Variants in DYNC1I1 observed in about 807,000 individuals in gnomAD.
DYNC1I1 encodes dynein cytoplasmic 1 intermediate chain 1.
In DYNC1I1, 43 loss-of-function variants were observed where a neutral mutation model predicts 86.6. That is an observed-to-expected ratio of 0.50 (90% CI 0.39 to 0.64). The LOEUF (loss-of-function observed/expected upper bound fraction) is 0.64. DYNC1I1 is among the 30% of genes least tolerant of loss of function. DYNC1I1 has a pLI of 0.00. For missense variants in DYNC1I1, 604 were observed against 788.8 expected (o/e 0.77, Z 2.81); for synonymous variants, 262 against 283.7 (o/e 0.92, Z 0.77).
intron 6 of DYNC1I1, among the ~76,000 whole-genome samples, chr7:95,953,100 G>A (rs1009419585): frequency 6.8e-6 from 1 of 148,030 alleles, no homozygotes; most frequent in African/African-American, 2.5e-5. Flanking sequence ...TTTGTATCTC[G>A]TATGTACCTG....
At chr7:95,929,508 A>G (rs952113800) in intron 6 of DYNC1I1, among the ~76,000 whole-genome samples, 4 of 152,118 alleles carry the variant, frequency 2.6e-5, no homozygotes, top group African/African-American at 9.7e-5. Flanking sequence ...CTCATTAACA[A>G]TTGTGCTGGG....
At chr7:96,024,348 T>G (rs1794625615) in intron 10 of DYNC1I1, among the ~76,000 whole-genome samples, 1 of 152,148 alleles carries the variant, frequency 6.6e-6, no homozygotes, top group Non-Finnish European at 1.5e-5. Flanking sequence ...CCTCCCACCT[T>G]GGCCTCCCAA....
chr7:96,064,088 T>C (rs148203087), intron 14 of DYNC1I1, among the ~76,000 whole-genome samples: 1 of 152,270 alleles, frequency 6.6e-6, no homozygotes, highest in African/African-American at 2.4e-5. Context: ...GTGCAGGGTA[T>C]TTAGTTGCCC....
At chr7:96,039,152 G>T in intron 13 of DYNC1I1, 125 bp from the exon 14 acceptor site, 1 of 980,084 alleles carries the variant, frequency 1.0e-6, no homozygotes. Flanking sequence ...TTTCATTTTG[G>T]TGGTGTGTGG....
chr7:95,862,608 T>A (rs1789916634), intron 5 of DYNC1I1, among the ~76,000 whole-genome samples: 1 of 152,230 alleles, frequency 6.6e-6, no homozygotes. Flanking sequence ...AGTGGGAATG[T>A]AAAATGGTAC....
intron 6 of DYNC1I1, among the ~76,000 whole-genome samples, chr7:95,925,084 T>C (rs1409664857): frequency 6.6e-6 from 1 of 152,162 alleles, no homozygotes; most frequent in Non-Finnish European, 1.5e-5. Context: ...AAAATACGAG[T>C]TGCAATATTT....
Position 95,901,132 on chromosome 7 carries a change from C to T in DYNC1I1, c.490+31134C>T, listed in dbSNP as rs1791026940. 6.6e-5 allele frequency among the ~76,000 whole-genome samples: 10 copies of T among 152,328 alleles called. No homozygotes were observed. In the South Asian group the frequency reaches 2.1e-3, roughly 32 times the overall value. ...CAGAGCCTCCGGCAAAGGCAGACTG[C>T]TGACATGGCAGCTGTATGTTTCCAG... On this transcript the variant is annotated intron_variant, in intron 6 of 16. Coordinates refer to ENST00000447467, the MANE Select transcript of DYNC1I1 (RefSeq NM_001135556.2).
At chr7:96,067,769 T>C (rs766137904) in intron 14 of DYNC1I1, among the ~76,000 whole-genome samples, 2 of 152,204 alleles carry the variant, frequency 1.3e-5, no homozygotes, top group Non-Finnish European at 2.9e-5. Context: ...TCCTTTCTTT[T>C]GCTCCTTTAA....
At chr7:95,798,339 T>C (rs1024882686) in intron 1 of DYNC1I1, among the ~76,000 whole-genome samples, 1 of 152,118 alleles carries the variant, frequency 6.6e-6, no homozygotes, top group African/African-American at 2.4e-5. Flanking sequence ...CTCTTTTTTT[T>C]TGACTGAGCT....
At chr7:96,048,664 T>C (rs1442624606) in intron 14 of DYNC1I1, among the ~76,000 whole-genome samples, 1 of 152,196 alleles carries the variant, frequency 6.6e-6, no homozygotes, top group Admixed American at 6.5e-5. Flanking sequence ...TTCAGTTACA[T>C]TGAGGGACCC....
intron 16 of DYNC1I1, among the ~76,000 whole-genome samples, chr7:96,096,476 C>A (rs1791010870): frequency 6.6e-6 from 1 of 152,004 alleles, no homozygotes; most frequent in African/African-American, 2.4e-5. Flanking sequence ...GAATTTTATT[C>A]TGTGTGAAAA....
intron 5 of DYNC1I1, among the ~76,000 whole-genome samples, chr7:95,865,086 G>A (rs151254001): frequency 6.6e-5 from 10 of 152,176 alleles, no homozygotes; most frequent in African/African-American, 1.9e-4. Flanking sequence ...CCTTCTAACC[G>A]TCTCCCAAGT....
intron 4 of DYNC1I1, chr7:95,818,814 T>C (rs922535989): frequency 6.4e-6 from 2 of 311,422 alleles, no homozygotes; most frequent in African/African-American, 4.3e-5. Context: ...TCATATATAA[T>C]GATAAATGAC....
intron 16 of DYNC1I1, among the ~76,000 whole-genome samples, chr7:96,086,499 C>A (rs1016504940): frequency 6.6e-6 from 1 of 152,154 alleles, no homozygotes; most frequent in Non-Finnish European, 1.5e-5. Flanking sequence ...CTTATCCTAG[C>A]TTTATTGATT....
chr7:96,053,798 T>C (rs1286240891), intron 14 of DYNC1I1, among the ~76,000 whole-genome samples: 1 of 152,204 alleles, frequency 6.6e-6, no homozygotes, highest in Non-Finnish European at 1.5e-5. Context: ...GTCTCACATA[T>C]GTTAGTTTCC....
intron 14 of DYNC1I1, among the ~76,000 whole-genome samples, chr7:96,074,877 C>T (rs184101063): frequency 6.6e-6 from 1 of 152,290 alleles, no homozygotes; most frequent in East Asian, 1.9e-4. Context: ...TCTTATTACT[C>T]TGGCCTGTAC....
intron 4 of DYNC1I1, chr7:95,819,072 A>G (rs1795015692): frequency 6.6e-6 from 1 of 152,148 alleles, no homozygotes; most frequent in South Asian, 2.1e-4. Flanking sequence ...CAAATGCAGC[A>G]GGTGGAGAAA....
intron 5 of DYNC1I1, among the ~76,000 whole-genome samples, chr7:95,835,337 T>G (rs374399412): frequency 1.5e-5 from 2 of 133,822 alleles, no homozygotes; most frequent in African/African-American, 5.9e-5. Flanking sequence ...GTCTGAGAGA[T>G]AGTTTGTTAT....
chr7:96,095,385 TGGCTA>T (rs1790970923), intron 16 of DYNC1I1, among the ~76,000 whole-genome samples: 1 of 152,120 alleles, frequency 6.6e-6, no homozygotes, highest in Non-Finnish European at 1.5e-5. Flanking sequence ...TTTCTACACA[TGGCTA>T]TCAATAACAT....
Sources: allele counts gnomAD v4.1 joint callset (sites outside exome capture counted in the v4.1 genomes callset), GRCh38; gene constraint gnomAD v4.1.1; transcripts MANE v1.5; gene names NCBI Gene and HGNC (gene_info 2026-07-23, HGNC 2026-07-21).